The following ENOX1 variants were observed in gnomAD, a reference collection of about 807,000 sequenced individuals.
The protein encoded by ENOX1 is ecto-NOX disulfide-thiol exchanger 1, also known as candidate growth-related and time keeping constitutive hydroquinone (NADH) oxidase.
In ENOX1, 42 loss-of-function variants were observed where a neutral mutation model predicts 82.5. The observed-to-expected ratio is 0.51, with a 90% CI of 0.40 to 0.66. ENOX1 has a LOEUF of 0.66. Ranked by LOEUF, ENOX1 falls within the 30% of genes least tolerant of loss-of-function variation. The pLI, the probability that ENOX1 is intolerant of heterozygous loss-of-function variation, is 0.00. For synonymous variants in ENOX1, 271 were observed against 282.2 expected, an observed-to-expected ratio of 0.96 and a Z score of 0.40; for missense variants, 608 against 811.6, an observed-to-expected ratio of 0.75 and a Z score of 3.05.
chr13:43,482,584 T>C (rs1373643044), intron 3 of ENOX1, among the ~76,000 whole-genome samples: 1 of 151,540 alleles, frequency 6.6e-6, no homozygotes, highest in Non-Finnish European at 1.5e-5. Flanking sequence ...AACACTAAAG[T>C]ATGGACTTAA....
chr13:43,339,711 T>C (rs1566551007), intron 9 of ENOX1, among the ~76,000 whole-genome samples: 1 of 152,168 alleles, frequency 6.6e-6, no homozygotes, highest in African/African-American at 2.4e-5. Flanking sequence ...AGATCCTTTA[T>C]GTGGAGAGGG....
chr13:43,466,781 A>G (rs2057745324), intron 3 of ENOX1, among the ~76,000 whole-genome samples: 1 of 152,170 alleles, frequency 6.6e-6, no homozygotes, highest in African/African-American at 2.4e-5. Flanking sequence ...TCTTGTACCC[A>G]TTAACAGTCA....
At chr13:43,395,016 CT>C (rs1317010497) in intron 5 of ENOX1, among the ~76,000 whole-genome samples, 1 of 152,234 alleles carries the variant, frequency 6.6e-6, no homozygotes, top group Non-Finnish European at 1.5e-5. Flanking sequence ...AGAAGGCCCT[CT>C]GATGGACTAG....
intron 14 of ENOX1, among the ~76,000 whole-genome samples, chr13:43,247,868 TATATATATATATATA>T (rs1566329780): frequency 4.2e-3 from 10 of 2,392 alleles, no homozygotes; most frequent in South Asian, 0.036. Flanking sequence ...TATATATATA[TATATATATATATATA>T]TTTTTTTTTT....
At chr13:43,514,900 C>A (rs1036866004) in intron 2 of ENOX1, among the ~76,000 whole-genome samples, 4 of 152,152 alleles carry the variant, frequency 2.6e-5, no homozygotes, top group East Asian at 3.9e-4. Flanking sequence ...CTGTAGCCCC[C>A]CCTTCCTAAA....
At chr13:43,488,437 A>G (rs1396664691) in intron 2 of ENOX1, among the ~76,000 whole-genome samples, 1 of 152,238 alleles carries the variant, frequency 6.6e-6, no homozygotes, top group Admixed American at 6.5e-5. Flanking sequence ...TCTAGCCTCC[A>G]GGACTGTGAG....
intron 11 of ENOX1, among the ~76,000 whole-genome samples, chr13:43,304,749 T>A (rs1369624540): frequency 2.6e-5 from 4 of 152,154 alleles, no homozygotes; most frequent in African/African-American, 9.7e-5. Context: ...TGTGTCCCTC[T>A]CCTCTCAAAC....
intron 2 of ENOX1, among the ~76,000 whole-genome samples, chr13:43,559,622 C>A (rs2079583702): frequency 6.6e-6 from 1 of 152,102 alleles, no homozygotes. Flanking sequence ...AAACTGTGAA[C>A]AACAGAACAA....
At chr13:43,401,317 T>C (rs1243602773) in intron 5 of ENOX1, among the ~76,000 whole-genome samples, 4 of 152,074 alleles carry the variant, frequency 2.6e-5, no homozygotes, top group African/African-American at 9.7e-5. Context: ...TCAAACAAAA[T>C]ATATGAAATG....
At chr13:43,451,524 T>G (rs1046071752) in intron 3 of ENOX1, among the ~76,000 whole-genome samples, 5 of 152,234 alleles carry the variant, frequency 3.3e-5, no homozygotes, top group African/African-American at 7.2e-5. Context: ...AGAATGGTAC[T>G]TATTGTCTCA....
chr13:43,284,752 G>A (rs2045589177), intron 12 of ENOX1, among the ~76,000 whole-genome samples: 1 of 150,690 alleles, frequency 6.6e-6, no homozygotes, highest in Admixed American at 6.6e-5. Flanking sequence ...AAATAAGGCT[G>A]TTGTGGCTAT....
intron 8 of ENOX1, among the ~76,000 whole-genome samples, chr13:43,352,368 C>T (rs2049862446): frequency 6.6e-6 from 1 of 152,182 alleles, no homozygotes; most frequent in Non-Finnish European, 1.5e-5. Context: ...ATGCTCTTGC[C>T]AAGAGAAATC....
At chr13:43,617,891 TTTGTTG>T (rs71099839) in intron 2 of ENOX1, among the ~76,000 whole-genome samples, 30,565 of 151,454 alleles carry the variant, frequency 0.2, 3,781 homozygotes, top group Non-Finnish European at 0.29. Flanking sequence ...CATCTACTGG[TTTGTTG>T]TTGTTGTTGT....
chr13:43,302,303 G>A (rs2046625986), intron 11 of ENOX1, among the ~76,000 whole-genome samples: 1 of 152,116 alleles, frequency 6.6e-6, no homozygotes, highest in Non-Finnish European at 1.5e-5. Flanking sequence ...TGATTTTAAA[G>A]GCACTGCTGA....
At chr13:43,283,543 C>G (rs2045520655) in intron 12 of ENOX1, among the ~76,000 whole-genome samples, 2 of 151,988 alleles carry the variant, frequency 1.3e-5, no homozygotes, top group Admixed American at 6.6e-5. Flanking sequence ...CTCCCAGGCT[C>G]AAGGGAATTA....
chr13:43,654,227 A>C (rs2153779386), intron 2 of ENOX1, among the ~76,000 whole-genome samples: 1 of 152,234 alleles, frequency 6.6e-6, no homozygotes, highest in Non-Finnish European at 1.5e-5. Flanking sequence ...CAAGAGAAGG[A>C]GCTCTCCCTC....
At chr13:43,418,322 G>A (rs2054756382) in intron 3 of ENOX1, among the ~76,000 whole-genome samples, 1 of 152,208 alleles carries the variant, frequency 6.6e-6, no homozygotes, top group Admixed American at 6.5e-5. Flanking sequence ...GAGGTCAGGT[G>A]TTCGAGACTG....
At chr13:43,596,083 C>A (rs2081458469) in intron 2 of ENOX1, among the ~76,000 whole-genome samples, 1 of 152,160 alleles carries the variant, frequency 6.6e-6, no homozygotes, top group African/African-American at 2.4e-5. Context: ...CTTGCTTACT[C>A]CCAGCTAAAC....
At chr13:43,659,692 T>C (rs1222409119) in intron 2 of ENOX1, among the ~76,000 whole-genome samples, 1 of 152,138 alleles carries the variant, frequency 6.6e-6, no homozygotes, top group Non-Finnish European at 1.5e-5. Context: ...ATAGGATTTA[T>C]TTTAGAATTG....
Sources: allele counts gnomAD v4.1 joint callset (sites outside exome capture counted in the v4.1 genomes callset), GRCh38; gene constraint gnomAD v4.1.1; transcripts MANE v1.5; gene names NCBI Gene and HGNC (gene_info 2026-07-23, HGNC 2026-07-21).